The following ABI3BP variants were observed in gnomAD, a reference collection of about 807,000 sequenced individuals.
ABI3BP encodes ABI family member 3 binding protein.
A neutral mutation model predicts 268.6 loss-of-function variants in ABI3BP; 216 were observed. That is an observed-to-expected ratio of 0.80 (90% CI 0.72 to 0.90). The LOEUF (loss-of-function observed/expected upper bound fraction) is 0.90. ABI3BP is among the 40% of genes least tolerant of loss of function. ABI3BP has a pLI of 0.00. For synonymous variants in ABI3BP, 730 were observed against 730.0 expected (o/e 1.00, Z 0.00); for missense variants, 2,090 against 2,182.4 (o/e 0.96, Z 0.84).
intron 6 of ABI3BP, among the ~76,000 whole-genome samples, chr3:100,881,838 T>G (rs2153369594): frequency 6.6e-6 from 1 of 152,254 alleles, no homozygotes; most frequent in South Asian, 2.1e-4. Context: ...TTGAAAACAT[T>G]TAACAATTGG....
At position 100,811,730 on chromosome 3, in the gene ABI3BP, T is replaced by C. The variant is rs1254033162; in HGVS notation, c.3491A>G (p.Glu1164Gly). Residue 1164 changes from glutamate to glycine, a missense_variant and splice_region_variant, in exon 47 of 68, where the codon GAA (glutamate) becomes GGA (glycine). Transcript: ENST00000471714. ...CAAAGCATTAAAACCTTTGCTACCTTCAGTCTTTGGCTCCTCTGGCCAGAG... is the reference window on the plus strand; with the variant it reads ...CAAAGCATTAAAACCTTTGCTACCTCCAGTCTTTGGCTCCTCTGGCCAGAG... ...APLWPEEPKT[E>G]VVESITYVSE... 6.5e-7 allele frequency: 1 copy of C among 1,535,236 alleles called. No individual in the cohort carries two copies.
At chr3:100,991,937 G>T (rs2093000776) in intron 1 of ABI3BP, among the ~76,000 whole-genome samples, 1 of 152,070 alleles carries the variant, frequency 6.6e-6, no homozygotes, top group Non-Finnish European at 1.5e-5. Context: ...TAAAATAAAA[G>T]TCTTCTGTAG....
At chr3:100,891,562 A>G (rs76062323) in intron 4 of ABI3BP, among the ~76,000 whole-genome samples, 2,118 of 152,322 alleles carry the variant, frequency 0.014, 41 homozygotes, top group African/African-American at 0.048. Flanking sequence ...AAAGCAACTA[A>G]GATGATAATA....
intron 4 of ABI3BP, among the ~76,000 whole-genome samples, chr3:100,891,383 T>C (rs1475300356): frequency 6.6e-6 from 1 of 152,176 alleles, no homozygotes; most frequent in Admixed American, 6.5e-5. Context: ...ATCAAAGCAA[T>C]GAGAAGGCTA....
chr3:100,850,041 T>C lies in ABI3BP; in HGVS notation c.1501+4A>G. The C allele has an allele frequency of 6.2e-7, 1 of 1,609,580 alleles. No individual in the cohort carries two copies. Among genetic ancestry groups the C allele is most frequent in the Non-Finnish European group, 8.5e-7 (1 of 1,177,602 alleles). ...TACATAACTACATAAATGTCATTAG[T>C]TACCAGGTGTCGTAGGCTGCATTTC... On this transcript the variant is annotated splice_donor_region_variant and intron_variant, in intron 17 of 67. Coordinates refer to ENST00000471714, the MANE Select transcript of ABI3BP (RefSeq NM_001375547.2).
chr3:100,796,056 C>T (rs2097336121), intron 52 of ABI3BP, among the ~76,000 whole-genome samples: 2 of 152,060 alleles, frequency 1.3e-5, no homozygotes, highest in African/African-American at 2.4e-5. Context: ...TTCACTGTCA[C>T]TTTGGGGAAA....
intron 1 of ABI3BP, among the ~76,000 whole-genome samples, chr3:100,985,030 A>G (rs1269580732): frequency 6.6e-6 from 1 of 152,090 alleles, no homozygotes; most frequent in East Asian, 1.9e-4. Flanking sequence ...AGTTGCTTCC[A>G]TCACATCCAC....
chr3:100,969,635 G>T (rs1303898577), intron 1 of ABI3BP, among the ~76,000 whole-genome samples: 1 of 152,064 alleles, frequency 6.6e-6, no homozygotes, highest in Non-Finnish European at 1.5e-5. Context: ...TAAATCTCGA[G>T]GCATAGCTCT....
chr3:100,759,550 C>T (rs2095829534), intron 63 of ABI3BP, among the ~76,000 whole-genome samples: 1 of 152,108 alleles, frequency 6.6e-6, no homozygotes, highest in African/African-American at 2.4e-5. Flanking sequence ...TGTGTTCCCC[C>T]ACTTCTGTGG....
intron 1 of ABI3BP, among the ~76,000 whole-genome samples, chr3:100,966,493 T>G (rs559441316): frequency 6.6e-6 from 1 of 152,296 alleles, no homozygotes; most frequent in South Asian, 2.1e-4. Flanking sequence ...TACTATCCAG[T>G]CTTTTACAGA....
At chr3:100,914,692 G>A (rs917244718) in intron 2 of ABI3BP, among the ~76,000 whole-genome samples, 6 of 152,268 alleles carry the variant, frequency 3.9e-5, no homozygotes, top group Non-Finnish European at 8.8e-5. Flanking sequence ...AAGAGAGGAT[G>A]TGGGGAAAGG....
chr3:100,903,176 A>T (rs2051320956), intron 2 of ABI3BP, among the ~76,000 whole-genome samples: 1 of 152,186 alleles, frequency 6.6e-6, no homozygotes, highest in Non-Finnish European at 1.5e-5. Context: ...TATCCTGTTT[A>T]TGTAATTTCT....
chr3:100,990,350 C>A (rs2595910), intron 1 of ABI3BP, among the ~76,000 whole-genome samples: 151,937 of 152,236 alleles, frequency 1, 75,822 homozygotes, highest in Middle Eastern at 1. Context: ...CCCATTTTAC[C>A]AATGAGAAAA....
At chr3:100,849,492 G>A (rs1344850209) in intron 17 of ABI3BP, among the ~76,000 whole-genome samples, 2 of 152,074 alleles carry the variant, frequency 1.3e-5, no homozygotes, top group African/African-American at 2.4e-5. Flanking sequence ...CCAAAGTGCC[G>A]GGATTACAGG....
chr3:100,850,244 G>T (rs2098822445), intron 16 of ABI3BP, 125 bp from the exon 17 acceptor site: 1 of 805,662 alleles, frequency 1.2e-6, no homozygotes. Flanking sequence ...GATGAAAAAT[G>T]CATGTAGTCT....
intron 17 of ABI3BP, among the ~76,000 whole-genome samples, chr3:100,849,224 CTTTTTTT>C (rs547312079): frequency 8.0e-6 from 1 of 125,552 alleles, no homozygotes; most frequent in Admixed American, 8.3e-5. Context: ...TTTGGAACTA[CTTTTTTT>C]TTTTTTTTTT....
intron 33 of ABI3BP, among the ~76,000 whole-genome samples, chr3:100,829,140 T>A (rs56338787): frequency 0.14 from 20,733 of 145,336 alleles, 1,863 homozygotes; most frequent in South Asian, 0.27. Context: ...AAGTGGTTGT[T>A]AAAAAAAAAA....
intron 57 of ABI3BP, among the ~76,000 whole-genome samples, chr3:100,787,261 C>T (rs962397821): frequency 2.6e-5 from 4 of 151,994 alleles, no homozygotes; most frequent in Admixed American, 6.6e-5. Flanking sequence ...TAACCAGATG[C>T]GAATTGCTCT....
chr3:100,885,575 A>G lies in ABI3BP; in HGVS notation c.657T>C (p.Asn219=), dbSNP rs745485820. 7.7e-6 allele frequency: 12 copies of G among 1,558,268 alleles called. No individual in the cohort carries two copies. The East Asian group carries it at 2.8e-4, about 36-fold the overall frequency. Residue 219 remains asparagine (N), a synonymous_variant, in exon 6 of 68, where the codon AAT becomes AAC. Transcript: ENST00000471714. ...GGTCATAGGTACTTTGGATTTTCCC[A>G]TTTACTTTTTTACCTGATGAAACAA... ...HKTVVGSKKV[N]GKIQSTYDQD...
Sources: allele counts gnomAD v4.1 joint callset (sites outside exome capture counted in the v4.1 genomes callset), GRCh38; gene constraint gnomAD v4.1.1; transcripts MANE v1.5; gene names NCBI Gene and HGNC (gene_info 2026-07-23, HGNC 2026-07-21).